The following MID1 variants were observed in gnomAD, a reference collection of about 807,000 sequenced individuals.
MID1 encodes E3 ubiquitin-protein ligase Midline-1.
In MID1, 7 loss-of-function variants were observed where a neutral mutation model predicts 40.4. The ratio of observed to expected loss-of-function variants is 0.17; its 90% CI spans 0.10 to 0.33. The LOEUF is 0.33. Ranked by LOEUF, MID1 falls within the 10% of genes least tolerant of loss-of-function variation. The probability of loss-of-function intolerance (pLI) is 1.00; values close to 1 mark genes in which losing one functional copy is unlikely to be tolerated. For missense variants in MID1, 367 were observed against 558.5 expected (o/e 0.66, Z 3.46); for synonymous variants, 229 against 221.2 (o/e 1.04, Z -0.31).
intron 1 of MID1, among the ~76,000 whole-genome samples, chrX:10,821,448 G>A (rs2044174240): frequency 8.9e-6 from 1 of 111,949 alleles, no homozygotes; most frequent in African/African-American, 3.3e-5. Context: ...TCAGGGGTTA[G>A]TTTCACTGGG....
In MID1 at chrX:10,447,449, T is replaced by G. The variant is rs1327769979; in HGVS notation, c.*1919A>C. The G allele has an allele frequency of 9.0e-6, 1 of 111,559 alleles. No individual in the cohort carries two copies. Among genetic ancestry groups the G allele is most frequent in the Non-Finnish European group, 1.9e-5 (1 of 53,153 alleles). 9.2% of individuals were successfully genotyped at this position (111,559 alleles called of 1,213,427 possible). A position where few individuals can be genotyped will look rare whatever the true frequency, so the allele number is the denominator to read the frequency against. The stretch of plus-strand genomic sequence containing the variant: ...TGCATTAAAATATCCATTATCCAGT[T>G]ACCCAAAATGTATGTAAAAATTACT... On this transcript the variant is annotated 3_prime_UTR_variant, in exon 10 of 10. Coordinates refer to ENST00000317552, the MANE Select transcript of MID1 (RefSeq NM_000381.4).
chrX:10,552,916 G>A (rs1433152633), intron 2 of MID1, among the ~76,000 whole-genome samples: 2 of 111,542 alleles, frequency 1.8e-5, no homozygotes, highest in African/African-American at 3.3e-5. Flanking sequence ...AAATGGCAAC[G>A]CCAGGACACA....
chrX:10,466,075 C>T (rs994246797), intron 7 of MID1, among the ~76,000 whole-genome samples: 2 of 111,858 alleles, frequency 1.8e-5, no homozygotes, highest in African/African-American at 6.5e-5. Flanking sequence ...CATCAACAGA[C>T]GTTGGTTCTA....
chrX:10,695,987 T>C (rs2043161278), intron 1 of MID1, among the ~76,000 whole-genome samples: 1 of 111,367 alleles, frequency 9.0e-6, no homozygotes, highest in African/African-American at 3.3e-5. Context: ...CAATGAGGAA[T>C]GTCAGGCAAC....
chrX:10,508,438 T>G (rs1931953262), intron 3 of MID1, among the ~76,000 whole-genome samples: 1 of 112,744 alleles, frequency 8.9e-6, no homozygotes, highest in African/African-American at 3.2e-5. Context: ...TACCTGATTA[T>G]TTTTACTTAA....
intron 3 of MID1, among the ~76,000 whole-genome samples, chrX:10,515,899 CTG>C (rs1428372097): frequency 3.6e-5 from 4 of 112,271 alleles, no homozygotes; most frequent in African/African-American, 1.3e-4. Flanking sequence ...AGCTAATAAA[CTG>C]TGTCTTCTGA....
At chrX:10,652,327 G>T (rs1483452131) in intron 1 of MID1, among the ~76,000 whole-genome samples, 1 of 111,207 alleles carries the variant, frequency 9.0e-6, no homozygotes, top group African/African-American at 3.3e-5. Flanking sequence ...CAGAATCTTT[G>T]TAGTTATCCA....
intron 1 of MID1, among the ~76,000 whole-genome samples, chrX:10,609,715 C>CTTTTTTTTTTTTTT (rs138559299): frequency 1.2e-5 from 1 of 86,413 alleles, no homozygotes; most frequent in African/African-American, 4.8e-5. Flanking sequence ...TTCTTTCTTT[C>CTTTTTTTTTTTTTT]TTTTTTTTTT....
chrX:10,755,346 T>TG (rs1453825784), intron 1 of MID1, among the ~76,000 whole-genome samples: 4 of 110,538 alleles, frequency 3.6e-5, no homozygotes, highest in East Asian at 2.8e-4. Context: ...AGATTTTTTT[T>TG]TTGTTGTTGT....
chrX:10,822,898 G>A (rs2044186198), intron 1 of MID1, among the ~76,000 whole-genome samples: 2 of 111,992 alleles, frequency 1.8e-5, no homozygotes, highest in Non-Finnish European at 3.8e-5. Context: ...TTCAACCATC[G>A]TGGAAGACAG....
chrX:10,631,035 A>G (rs1050098508), intron 1 of MID1, among the ~76,000 whole-genome samples: 4 of 111,559 alleles, frequency 3.6e-5, no homozygotes, highest in African/African-American at 1.3e-4. Flanking sequence ...CATCCAGATA[A>G]CAAGAAGGTC....
chrX:10,632,481 G>A (rs1936063114), intron 1 of MID1, among the ~76,000 whole-genome samples: 1 of 111,518 alleles, frequency 9.0e-6, no homozygotes, highest in African/African-American at 3.3e-5. Context: ...GTTTTTAAAA[G>A]CTACCTTAGG....
intron 1 of MID1, among the ~76,000 whole-genome samples, chrX:10,704,125 A>G (rs1431791635): frequency 8.9e-6 from 1 of 112,207 alleles, no homozygotes; most frequent in Non-Finnish European, 1.9e-5. Context: ...TTTAAAACCA[A>G]TGAATAATGA....
chrX:10,538,262 C>T (rs1933336722), intron 2 of MID1, among the ~76,000 whole-genome samples: 1 of 111,772 alleles, frequency 8.9e-6, no homozygotes, highest in Non-Finnish European at 1.9e-5. Flanking sequence ...CATGAGCCAC[C>T]ATGCCCGGCC....
intron 1 of MID1, among the ~76,000 whole-genome samples, chrX:10,758,982 T>C (rs765273526): frequency 8.9e-6 from 1 of 112,092 alleles, no homozygotes; most frequent in South Asian, 3.7e-4. Context: ...GGCAGGCAAA[T>C]GATTATGTTC....
intron 1 of MID1, among the ~76,000 whole-genome samples, chrX:10,813,928 ATC>A (rs1223064572): frequency 1.8e-5 from 2 of 111,319 alleles, no homozygotes; most frequent in Non-Finnish European, 3.8e-5. Context: ...AGTCAGAAAA[ATC>A]TCTGTCGCAA....
chrX:10,520,694 C>T lies in MID1; in HGVS notation c.756+2398G>A, dbSNP rs188865201. 1.5e-4 allele frequency among the ~76,000 whole-genome samples: 17 copies of T among 111,683 alleles called. No individual in the cohort carries two copies. The East Asian group carries it at 3.7e-3, about 24-fold the overall frequency. On this transcript the variant is annotated intron_variant, in intron 3 of 9. Transcript: ENST00000317552. ...AACTTGCAGGCATTCAAATAGTGTTCAAAATTTGCCATTTGGAGAGTCATC... is the reference window on the plus strand; with the variant it reads ...AACTTGCAGGCATTCAAATAGTGTTTAAAATTTGCCATTTGGAGAGTCATC...
At chrX:10,706,737 T>C (rs943288660) in intron 1 of MID1, among the ~76,000 whole-genome samples, 2 of 111,619 alleles carry the variant, frequency 1.8e-5, no homozygotes, top group Non-Finnish European at 3.8e-5. Flanking sequence ...AATAGTCATA[T>C]ACCATAATGT....
At chrX:10,752,789 TAAA>T (rs763345913) in intron 1 of MID1, among the ~76,000 whole-genome samples, 25 of 112,045 alleles carry the variant, frequency 2.2e-4, no homozygotes, top group Non-Finnish European at 4.7e-4. Context: ...GGTTTTCTCT[TAAA>T]AAAATTCTTG....
Sources: allele counts gnomAD v4.1 joint callset (sites outside exome capture counted in the v4.1 genomes callset), GRCh38; gene constraint gnomAD v4.1.1; transcripts MANE v1.5; gene names NCBI Gene and HGNC (gene_info 2026-07-23, HGNC 2026-07-21).